The following TNRC6B variants were observed in gnomAD, a reference collection of about 807,000 sequenced individuals.
The protein encoded by TNRC6B is trinucleotide repeat-containing gene 6B protein.
TNRC6B carries 52 observed loss-of-function variants against 203.6 expected under a neutral mutation model. The observed-to-expected ratio is 0.26, with a 90% confidence interval of 0.20 to 0.32. The LOEUF (loss-of-function observed/expected upper bound fraction) is 0.32. Ranked by LOEUF, TNRC6B falls within the 10% of genes least tolerant of loss-of-function variation. The pLI is 1.00. For missense variants in TNRC6B, 1,923 were observed against 2,286.2 expected (o/e 0.84, Z 3.24); for synonymous variants, 838 against 845.7 (o/e 0.99, Z 0.16).
chr22:40,261,773 T>C, intron 3 of TNRC6B, 59 bp from the exon 4 acceptor site: 1 of 1,307,870 alleles, frequency 7.6e-7, no homozygotes, highest in South Asian at 2.3e-5. Context: ...TTTTTAAAAT[T>C]TTTAGAAAAA....
intron 6 of TNRC6B, among the ~76,000 whole-genome samples, chr22:40,271,164 A>G (rs1190464642): frequency 6.6e-6 from 1 of 152,246 alleles, no homozygotes; most frequent in Non-Finnish European, 1.5e-5. Context: ...GGTCACAGTA[A>G]TGAGCAGAAC....
intron 22 of TNRC6B, 68 bp from the exon 23 acceptor site, chr22:40,322,786 A>G: frequency 3.2e-6 from 5 of 1,576,996 alleles, no homozygotes; most frequent in Non-Finnish European, 3.5e-6. Context: ...CAAGGACTGC[A>G]GTCGCTCCCT....
chr22:40,274,420 C>A (rs1022298830), intron 7 of TNRC6B, among the ~76,000 whole-genome samples: 1 of 148,632 alleles, frequency 6.7e-6, no homozygotes, highest in Non-Finnish European at 1.5e-5. Context: ...TTAATGATAT[C>A]TCTTTTTTTT....
intron 1 of TNRC6B, among the ~76,000 whole-genome samples, chr22:40,050,202 A>C (rs2067733488): frequency 6.6e-6 from 1 of 152,134 alleles, no homozygotes; most frequent in African/African-American, 2.4e-5. Context: ...TGAGAGGAGC[A>C]TGGGTAGTTG....
chr22:40,049,034 T>G (rs570237022), intron 1 of TNRC6B, among the ~76,000 whole-genome samples: 165 of 152,226 alleles, frequency 1.1e-3, no homozygotes, highest in Non-Finnish European at 2.0e-3. Context: ...CTAATTTTTG[T>G]ATTTTTAGTA....
At chr22:40,202,789 G>A (rs2069431009) in intron 1 of TNRC6B, among the ~76,000 whole-genome samples, 1 of 152,118 alleles carries the variant, frequency 6.6e-6, no homozygotes, top group Non-Finnish European at 1.5e-5. Flanking sequence ...GATAACTGCA[G>A]GTGGAAGGAG....
chr22:40,148,490 G>T (rs1030542318), intron 3 of TNRC6B, among the ~76,000 whole-genome samples: 1 of 152,124 alleles, frequency 6.6e-6, no homozygotes, highest in African/African-American at 2.4e-5. Flanking sequence ...CACCATGTTG[G>T]CCAGGATGAT....
intron 3 of TNRC6B, among the ~76,000 whole-genome samples, chr22:40,141,361 A>C (rs1230532855): frequency 6.6e-6 from 1 of 151,778 alleles, no homozygotes; most frequent in Non-Finnish European, 1.5e-5. Flanking sequence ...ACGCACCACC[A>C]TGCCCAGCTG....
chr22:40,156,232 A>G (rs760532326), intron 4 of TNRC6B: 2 of 1,529,680 alleles, frequency 1.3e-6, no homozygotes, highest in South Asian at 1.2e-5. Context: ...CCTCGGAAAC[A>G]CTTTGGTTCA....
chr22:40,076,219 C>T (rs1221591315), intron 1 of TNRC6B, among the ~76,000 whole-genome samples: 1 of 152,194 alleles, frequency 6.6e-6, no homozygotes, highest in Non-Finnish European at 1.5e-5. Context: ...AAGTTCAAGA[C>T]CAGCTTGGGC....
intron 17 of TNRC6B, among the ~76,000 whole-genome samples, chr22:40,311,620 C>CA (rs1242304644): frequency 6.6e-6 from 1 of 151,832 alleles, no homozygotes; most frequent in Non-Finnish European, 1.5e-5. Context: ...TGGTTCACTG[C>CA]AAGCTCTGCC....
At chr22:40,262,211 CAG>C in intron 4 of TNRC6B, 38 bp downstream of exon 4, 4 of 1,338,778 alleles carry the variant, frequency 3.0e-6, no homozygotes, top group Non-Finnish European at 3.9e-6. Flanking sequence ...GGCAGCTTGA[CAG>C]AGAGAGAGCA....
chr22:40,072,441 TAAA>T (rs1375378996), intron 1 of TNRC6B, among the ~76,000 whole-genome samples: 1 of 152,198 alleles, frequency 6.6e-6, no homozygotes, highest in African/African-American at 2.4e-5. Context: ...AAATCCATAA[TAAA>T]GAAGATCACG....
intron 3 of TNRC6B, among the ~76,000 whole-genome samples, chr22:40,137,970 T>C (rs1432989505): frequency 4.2e-5 from 6 of 141,244 alleles, no homozygotes; most frequent in Admixed American, 7.4e-5. Flanking sequence ...ACAACAAAGC[T>C]AGACTGTATC....
rs772005487 is a variant in TNRC6B, at chr22:40,261,904, C to T, written c.188C>T (p.Pro63Leu). The T allele has an allele frequency of 2.9e-5, 46 of 1,603,786 alleles. No homozygotes were observed. In the East Asian group the frequency reaches 8.7e-4, roughly 30 times the overall value. The change falls in exon 4 of 23, where the codon CCA becomes CTA. Residue 63 changes from proline (P) to leucine (L), a missense_variant. Transcript: ENST00000454349. The part of the protein sequence containing the change: ...ASPIGSSPSP[P>L]VNGGNNAKRV... ...CCAATTGGCAGCTCTCCATCGCCACCAGTCAATGGTGGCAACAATGCCAAA... is the reference window on the plus strand; with the variant it reads ...CCAATTGGCAGCTCTCCATCGCCACTAGTCAATGGTGGCAACAATGCCAAA...
intron 3 of TNRC6B, among the ~76,000 whole-genome samples, chr22:40,130,264 A>G (rs910403431): frequency 2.6e-5 from 4 of 152,182 alleles, no homozygotes; most frequent in African/African-American, 9.7e-5. Flanking sequence ...CTCAGGCCCA[A>G]ATCCTGCTCT....
intron 6 of TNRC6B, among the ~76,000 whole-genome samples, chr22:40,272,796 A>G (rs1601477901): frequency 6.6e-6 from 1 of 152,296 alleles, no homozygotes; most frequent in East Asian, 1.9e-4. Flanking sequence ...CTACGTATAA[A>G]TTCTTTGCCT....
intron 1 of TNRC6B, among the ~76,000 whole-genome samples, chr22:40,095,183 A>AT (rs1439194123): frequency 1.3e-5 from 2 of 152,174 alleles, no homozygotes; most frequent in African/African-American, 4.8e-5. Flanking sequence ...TACCTCTGTG[A>AT]TTTTATCAAT....
At chr22:40,139,383 G>A (rs930029880) in intron 3 of TNRC6B, among the ~76,000 whole-genome samples, 28 of 148,086 alleles carry the variant, frequency 1.9e-4, no homozygotes, top group Non-Finnish European at 3.9e-4. Flanking sequence ...GCTGGATGGA[G>A]TGCAGTGGTG....
Sources: allele counts gnomAD v4.1 joint callset (sites outside exome capture counted in the v4.1 genomes callset), GRCh38; gene constraint gnomAD v4.1.1; transcripts MANE v1.5; gene names NCBI Gene and HGNC (gene_info 2026-07-23, HGNC 2026-07-21).